SUSD4: variants seen among roughly 807,000 people sequenced by gnomAD.
SUSD4 encodes the protein sushi domain-containing protein 4.
In SUSD4, 41 loss-of-function variants were observed where a neutral mutation model predicts 50.5. That is an observed-to-expected ratio of 0.81 (90% CI 0.63 to 1.05). SUSD4 has a LOEUF of 1.05. SUSD4 is among the 50% of genes least tolerant of loss of function. The pLI is 0.00. For synonymous variants in SUSD4, 257 were observed against 257.3 expected, an observed-to-expected ratio of 1.00 and a Z score of 0.01; for missense variants, 580 against 634.7, an observed-to-expected ratio of 0.91 and a Z score of 0.93.
chr1:223,297,651 T>G (rs1159921522), intron 2 of SUSD4, among the ~76,000 whole-genome samples: 1 of 152,192 alleles, frequency 6.6e-6, no homozygotes, highest in Non-Finnish European at 1.5e-5. Context: ...CTGCAGAGTC[T>G]GAATAGGAGG....
At chr1:223,338,502 C>T (rs61838237) in intron 2 of SUSD4, among the ~76,000 whole-genome samples, 50,409 of 151,966 alleles carry the variant, frequency 0.33, 8,429 homozygotes, top group African/African-American at 0.4. Context: ...AAGGGGCACT[C>T]AGCAGTAAAA....
At chr1:223,331,931 C>T (rs894075156) in intron 2 of SUSD4, among the ~76,000 whole-genome samples, 9 of 152,188 alleles carry the variant, frequency 5.9e-5, no homozygotes, top group Non-Finnish European at 1.2e-4. Flanking sequence ...AAACTTTAAT[C>T]CTAAAGGGAC....
chr1:223,269,002 G>C (rs1007397236), intron 3 of SUSD4, among the ~76,000 whole-genome samples: 2 of 152,196 alleles, frequency 1.3e-5, no homozygotes, highest in African/African-American at 4.8e-5. Flanking sequence ...GAGAAGTGTT[G>C]AGGATTAGCC....
chr1:223,352,843 G>A (rs558122695), intron 2 of SUSD4, among the ~76,000 whole-genome samples: 4 of 152,144 alleles, frequency 2.6e-5, no homozygotes, highest in East Asian at 1.9e-4. Flanking sequence ...CCATGGGGGC[G>A]AACTCACCAT....
chr1:223,268,919 C>T (rs940328870), intron 3 of SUSD4, among the ~76,000 whole-genome samples: 1 of 152,174 alleles, frequency 6.6e-6, no homozygotes, highest in African/African-American at 2.4e-5. Context: ...ACAAAAAGAA[C>T]TTTATTTCCT....
intron 1 of SUSD4, 86 bp from the exon 2 acceptor site, chr1:223,363,546 G>C: frequency 7.5e-7 from 1 of 1,339,974 alleles, no homozygotes; most frequent in Non-Finnish European, 9.8e-7. Context: ...GGGACCCGGC[G>C]CCTCGGCTTC....
At chr1:223,362,146 C>G (rs1389477399) in intron 2 of SUSD4, among the ~76,000 whole-genome samples, 2 of 152,194 alleles carry the variant, frequency 1.3e-5, no homozygotes, top group South Asian at 2.1e-4. Flanking sequence ...CCTTTATACT[C>G]TGGGCATCTT....
In SUSD4 at chr1:223,261,845, C is replaced by T. The variant is rs528342917; in HGVS notation, c.724+2785G>A. On this transcript the variant is annotated intron_variant, in intron 5 of 8. Coordinates refer to ENST00000366878, the MANE Select transcript of SUSD4 (RefSeq NM_017982.4). ...CAAGTGATTGACCACATACTATGGG[C>T]TGGGCACTTCATTAAATGGGTGGAT... Among the ~76,000 whole-genome samples the T allele has an allele frequency of 2.6e-4, 39 of 152,272 alleles. No individual in the cohort carries two copies. In the South Asian group the frequency reaches 5.8e-3, roughly 23 times the overall value.
At chr1:223,309,137 A>G (rs1665725126) in intron 2 of SUSD4, among the ~76,000 whole-genome samples, 1 of 152,180 alleles carries the variant, frequency 6.6e-6, no homozygotes, top group Non-Finnish European at 1.5e-5. Flanking sequence ...CATAGAACAA[A>G]AACAAAAACA....
At position 223,221,818 on chromosome 1, in the gene SUSD4, A is replaced by C. The variant is rs1168769036; in HGVS notation, c.*374T>G. On this transcript the variant is annotated 3_prime_UTR_variant, in exon 9 of 9. Coordinates refer to ENST00000366878, the MANE Select transcript of SUSD4 (RefSeq NM_017982.4). ...GTTAGAAGCAAATTTACATGATGTG[A>C]CATGCTTTCAGAGGGGGCGGGGAGT... 5.2e-6 allele frequency: 1 copy of C among 192,028 alleles called. No homozygotes were observed. Among genetic ancestry groups the C allele is most frequent in the East Asian group, 1.3e-4 (1 of 7,726 alleles). 11.9% of individuals were successfully genotyped at this position (192,028 alleles called of 1,614,324 possible).
chr1:223,364,229 C>A (rs895976357), upstream of SUSD4: 2 of 144,706 alleles, frequency 1.4e-5, no homozygotes, highest in Non-Finnish European at 3.1e-5. This position sits in a 1 kb window ranked among gnomAD's most constrained non-coding sequence, Gnocchi z 4.5. Flanking sequence ...TCCCCAGGCG[C>A]CCCCGAGCGG....
intron 2 of SUSD4, among the ~76,000 whole-genome samples, chr1:223,327,481 C>T (rs891371795): frequency 1.3e-5 from 2 of 152,174 alleles, no homozygotes; most frequent in African/African-American, 4.8e-5. Flanking sequence ...ACAAAAGCTA[C>T]TGAAATAAAA....
chr1:223,247,759 G>A (rs1003804551), intron 5 of SUSD4, among the ~76,000 whole-genome samples: 43 of 152,248 alleles, frequency 2.8e-4, no homozygotes, highest in African/African-American at 1.0e-3. Flanking sequence ...GGTCTGGAGG[G>A]GGTCCTGGGC....
At chr1:223,359,234 A>G in intron 2 of SUSD4, 1 of 442,192 alleles carries the variant, frequency 2.3e-6, no homozygotes, top group South Asian at 1.7e-5. Context: ...CCCCTATTGG[A>G]GCTTCTAGGA....
chr1:223,311,497 G>C (rs963209420), intron 2 of SUSD4, among the ~76,000 whole-genome samples: 1 of 152,174 alleles, frequency 6.6e-6, no homozygotes, highest in Non-Finnish European at 1.5e-5. Flanking sequence ...AAAGGGCAGG[G>C]AGGTATTGGC....
intron 3 of SUSD4, among the ~76,000 whole-genome samples, chr1:223,283,152 A>G (rs1050685482): frequency 1.1e-4 from 16 of 152,374 alleles, no homozygotes; most frequent in African/African-American, 3.8e-4. Context: ...AGGCAATACC[A>G]TTCAGGACAT....
chr1:223,248,506 T>C (rs1274653724), intron 5 of SUSD4, among the ~76,000 whole-genome samples: 2 of 152,242 alleles, frequency 1.3e-5, no homozygotes, highest in African/African-American at 4.8e-5. Flanking sequence ...GCCATCTCCA[T>C]GACTACGTCT....
chr1:223,257,483 A>G (rs1661780963), intron 5 of SUSD4, among the ~76,000 whole-genome samples: 2 of 152,234 alleles, frequency 1.3e-5, no homozygotes, highest in Non-Finnish European at 2.9e-5. Flanking sequence ...TGGTGCTCCC[A>G]GGCCACCACT....
At chr1:223,294,372 C>A (rs1260951695) in intron 2 of SUSD4, among the ~76,000 whole-genome samples, 1 of 152,210 alleles carries the variant, frequency 6.6e-6, no homozygotes, top group Non-Finnish European at 1.5e-5. Context: ...AGATATCGAA[C>A]TCATATCTGT....
Sources: gnomAD v4.1 joint callset for allele counts (sites outside exome capture counted in the v4.1 genomes callset) on GRCh38, gnomAD v4.1.1 for gene constraint, Gnocchi (gnomAD v3.1) non-coding constraint, MANE v1.5 for transcripts, NCBI Gene and HGNC (gene_info 2026-07-23, HGNC 2026-07-21) for gene names.